The following MCTP1 variants were observed in gnomAD, a reference collection of about 807,000 sequenced individuals.
MCTP1 encodes multiple C2 and transmembrane domain-containing protein 1.
MCTP1 carries 69 observed loss-of-function variants against 120.6 expected under a neutral mutation model. The observed-to-expected ratio is 0.57, with a 90% confidence interval of 0.47 to 0.70. The LOEUF is 0.70. MCTP1 is among the 30% of genes least tolerant of loss of function. MCTP1 has a pLI of 0.00. For synonymous variants in MCTP1, 529 were observed against 493.1 expected, an observed-to-expected ratio of 1.07 and a Z score of -0.96; for missense variants, 1,203 against 1,248.8, an observed-to-expected ratio of 0.96 and a Z score of 0.55.
At chr5:94,840,329 T>G (rs138682550) in intron 17 of MCTP1, among the ~76,000 whole-genome samples, 44 of 152,352 alleles carry the variant, frequency 2.9e-4, no homozygotes, top group African/African-American at 1.1e-3. Context: ...GACTGAGATA[T>G]GCAGAGAGAG....
chr5:94,846,175 C>G (rs1453369721), intron 17 of MCTP1, among the ~76,000 whole-genome samples: 3 of 152,152 alleles, frequency 2.0e-5, no homozygotes, highest in Non-Finnish European at 1.5e-5. Context: ...AAATATAAAT[C>G]ATTCTATCAT....
rs561609244 is a variant in MCTP1, at chr5:95,225,064, AT to A, written c.720+58791del. Among the ~76,000 whole-genome samples, 213 of 152,110 alleles carry A rather than the reference AT, an allele frequency of 1.4e-3. 1 individual carries two copies. Among genetic ancestry groups the A allele is most frequent in the African/African-American group, 5.0e-3 (207 of 41,506 alleles). On this transcript the variant is annotated intron_variant, in intron 1 of 22. Transcript: ENST00000515393. Reference sequence around the variant, plus strand: ...AAGATTAAACCAATCAACCACAGAGATTTTTTTTCTTTTAGCTTACAAAAAT... The same window carrying A: ...AAGATTAAACCAATCAACCACAGAGATTTTTTTCTTTTAGCTTACAAAAAT...
At chr5:95,047,516 A>G (rs990619618) in intron 1 of MCTP1, among the ~76,000 whole-genome samples, 1 of 152,126 alleles carries the variant, frequency 6.6e-6, no homozygotes, top group Admixed American at 6.6e-5. Context: ...AACTTTAGTA[A>G]TATTGTTCTT....
In MCTP1 at chr5:94,704,279, T is replaced by TGAGA. The variant is rs1456176828; in HGVS notation, c.*3213_*3216dup. 5.3e-5 allele frequency: 8 copies of TGAGA among 151,598 alleles called. No homozygotes were observed. The highest frequency in any genetic ancestry group is 5.3e-4 in the Admixed American group (8 of 15,186). 9.4% of individuals were successfully genotyped at this position (151,598 alleles called of 1,614,324 possible). ...AAGCAAGTATTAATTTAGCAATACCTGAGACGTTTTTCAAGAAGTATAATG... is the reference window on the plus strand; with the variant it reads ...AAGCAAGTATTAATTTAGCAATACCTGAGAGAGACGTTTTTCAAGAAGTATAATG... On this transcript the variant is annotated 3_prime_UTR_variant, in exon 23 of 23. Transcript: ENST00000515393.
chr5:95,136,611 A>G (rs1759467720), intron 1 of MCTP1, among the ~76,000 whole-genome samples: 1 of 152,188 alleles, frequency 6.6e-6, no homozygotes, highest in African/African-American at 2.4e-5. Flanking sequence ...AGAGTGAGAG[A>G]AGACGCTCTA....
intron 2 of MCTP1, chr5:94,979,332 A>G (rs2153592086): frequency 6.6e-6 from 1 of 152,280 alleles, no homozygotes; most frequent in African/African-American, 2.4e-5. Flanking sequence ...CGAGGGCTAC[A>G]AGGAACCACA....
At chr5:95,175,996 C>A (rs1582447053) in intron 1 of MCTP1, among the ~76,000 whole-genome samples, 1 of 152,318 alleles carries the variant, frequency 6.6e-6, no homozygotes, top group African/African-American at 2.4e-5. Flanking sequence ...GGCAAGAAAT[C>A]TGGCTCTAAC....
At chr5:95,144,424 T>C (rs1167484483) in intron 1 of MCTP1, among the ~76,000 whole-genome samples, 48 of 152,226 alleles carry the variant, frequency 3.2e-4, no homozygotes, top group Non-Finnish European at 8.8e-5. Flanking sequence ...TTTCCACTTG[T>C]CAATTTTTGT....
At chr5:94,985,578 T>C (rs1284858390) in intron 2 of MCTP1, among the ~76,000 whole-genome samples, 1 of 152,196 alleles carries the variant, frequency 6.6e-6, no homozygotes, top group Non-Finnish European at 1.5e-5. Flanking sequence ...ACCCAAGTCC[T>C]ACTCTCTAAT....
At chr5:94,953,718 AC>A (rs1821237058) in intron 2 of MCTP1, among the ~76,000 whole-genome samples, 1 of 148,682 alleles carries the variant, frequency 6.7e-6, no homozygotes, top group Non-Finnish European at 1.5e-5. Flanking sequence ...AATAGCAAAG[AC>A]ATGGAATCAA....
At chr5:95,015,365 T>C (rs1488902383) in intron 2 of MCTP1, among the ~76,000 whole-genome samples, 4 of 152,140 alleles carry the variant, frequency 2.6e-5, no homozygotes, top group Admixed American at 1.3e-4. Flanking sequence ...TTTAATTATT[T>C]ATCTATTTTG....
intron 1 of MCTP1, among the ~76,000 whole-genome samples, chr5:95,218,301 T>C (rs962718013): frequency 6.6e-6 from 1 of 152,224 alleles, no homozygotes; most frequent in Non-Finnish European, 1.5e-5. Flanking sequence ...TTGGTTTTTG[T>C]TGTTCAACAC....
chr5:95,016,268 G>A (rs1581855000), intron 2 of MCTP1, among the ~76,000 whole-genome samples: 3 of 151,646 alleles, frequency 2.0e-5, no homozygotes, highest in South Asian at 2.1e-4. Flanking sequence ...CTCCCATGTC[G>A]GCCTCCCAAA....
intron 1 of MCTP1, among the ~76,000 whole-genome samples, chr5:95,243,718 T>C (rs1756431131): frequency 6.6e-6 from 1 of 152,124 alleles, no homozygotes; most frequent in Non-Finnish European, 1.5e-5. Flanking sequence ...TGCTTCTGAA[T>C]AAAAAGGTGA....
At chr5:95,046,625 ATAAT>A (rs1253594461) in intron 1 of MCTP1, among the ~76,000 whole-genome samples, 6 of 152,130 alleles carry the variant, frequency 3.9e-5, no homozygotes, top group African/African-American at 1.4e-4. Flanking sequence ...GTTTTACAGA[ATAAT>A]TAAGAGTTCG....
intron 1 of MCTP1, among the ~76,000 whole-genome samples, chr5:95,191,810 T>C (rs1440625830): frequency 6.6e-6 from 1 of 152,040 alleles, no homozygotes; most frequent in Non-Finnish European, 1.5e-5. Flanking sequence ...CTTCCTCTTC[T>C]ATTGCACACC....
intron 1 of MCTP1, among the ~76,000 whole-genome samples, chr5:95,183,693 C>T (rs2152519423): frequency 6.6e-6 from 1 of 151,716 alleles, no homozygotes; most frequent in East Asian, 1.9e-4. Context: ...CCGACATTCG[C>T]CAAAAAAAGT....
intron 19 of MCTP1, among the ~76,000 whole-genome samples, chr5:94,739,598 AATT>A (rs1381534146): frequency 3.9e-5 from 6 of 152,182 alleles, no homozygotes; most frequent in East Asian, 3.8e-4. Flanking sequence ...TTAACCCTGT[AATT>A]ATAAGTGTAC....
intron 1 of MCTP1, among the ~76,000 whole-genome samples, chr5:95,090,060 T>C (rs1755724834): frequency 6.6e-6 from 1 of 152,088 alleles, no homozygotes; most frequent in Non-Finnish European, 1.5e-5. Flanking sequence ...CTTTCATTCC[T>C]CTCCACATCA....
Sources: allele counts gnomAD v4.1 joint callset (sites outside exome capture counted in the v4.1 genomes callset), GRCh38; gene constraint gnomAD v4.1.1; transcripts MANE v1.5; gene names NCBI Gene and HGNC (gene_info 2026-07-23, HGNC 2026-07-21).